ADARB2: variants seen among roughly 807,000 people sequenced by gnomAD.
The protein encoded by ADARB2 is adenosine deaminase RNA specific B2 (inactive).
Under a neutral mutation model 62.2 loss-of-function variants are expected in ADARB2, and 25 were observed. The ratio of observed to expected loss-of-function variants is 0.40; its 90% confidence interval spans 0.29 to 0.56. The LOEUF is 0.56. Ranked by LOEUF, ADARB2 falls within the 20% of genes least tolerant of loss-of-function variation. The pLI, the probability that ADARB2 is intolerant of heterozygous loss-of-function variation, is 0.43. For missense variants in ADARB2, 1,071 were observed against 1,077.4 expected (o/e 0.99, Z 0.08); for synonymous variants, 572 against 500.8 (o/e 1.14, Z -1.90).
At chr10:1,233,639 G>C (rs940361367) in intron 6 of ADARB2, 55 bp downstream of exon 6, 52 of 1,552,530 alleles carry the variant, frequency 3.3e-5, no homozygotes, top group Non-Finnish European at 4.2e-5. Context: ...CAGAGTCCCA[G>C]ATAGAGGGAG....
chr10:1,314,051 C>T (rs1831715540), intron 3 of ADARB2, among the ~76,000 whole-genome samples: 2 of 152,290 alleles, frequency 1.3e-5, no homozygotes, highest in Admixed American at 1.3e-4. Flanking sequence ...GCCCGTGCCA[C>T]AGCTCAGGAG....
chr10:1,547,942 A>C (rs1320363686), intron 1 of ADARB2, among the ~76,000 whole-genome samples: 2 of 152,102 alleles, frequency 1.3e-5, no homozygotes, highest in African/African-American at 4.8e-5. Context: ...TTGCCTGGTC[A>C]CAGTGTTTTG....
intron 1 of ADARB2, among the ~76,000 whole-genome samples, chr10:1,673,649 G>A (rs1228903255): frequency 6.6e-6 from 1 of 152,200 alleles, no homozygotes; most frequent in Non-Finnish European, 1.5e-5. Context: ...TGAGCACTAC[G>A]GGAACGTCGG....
chr10:1,240,601 A>T (rs1333485782), intron 5 of ADARB2: 1 of 152,342 alleles, frequency 6.6e-6, no homozygotes, highest in Non-Finnish European at 1.5e-5. Flanking sequence ...TGGCAAATGT[A>T]TCCCAAGCCT....
chr10:1,219,534 G>A (rs192276142), intron 6 of ADARB2, among the ~76,000 whole-genome samples: 10 of 152,306 alleles, frequency 6.6e-5, no homozygotes, highest in Admixed American at 3.9e-4. Flanking sequence ...AATTTGGACC[G>A]GTCTTTGAGT....
intron 1 of ADARB2, among the ~76,000 whole-genome samples, chr10:1,731,764 C>T (rs1007862176): frequency 5.9e-5 from 9 of 152,158 alleles, no homozygotes; most frequent in African/African-American, 2.2e-4. Context: ...GCCCCTGCTG[C>T]TTTTCTTGAG....
At chr10:1,638,987 G>C (rs138061324) in intron 1 of ADARB2, among the ~76,000 whole-genome samples, 1 of 152,226 alleles carries the variant, frequency 6.6e-6, no homozygotes, top group East Asian at 1.9e-4. Context: ...GGAAGAAGCC[G>C]TCTTGGCGAG....
chr10:1,681,855 G>A (rs914912353), intron 1 of ADARB2, among the ~76,000 whole-genome samples: 18 of 152,282 alleles, frequency 1.2e-4, no homozygotes, highest in Admixed American at 6.5e-5. Context: ...CCACAGAGTC[G>A]TAGGTGAAAG....
At chr10:1,552,677 A>G (rs1177923765) in intron 1 of ADARB2, among the ~76,000 whole-genome samples, 1 of 151,694 alleles carries the variant, frequency 6.6e-6, no homozygotes, top group East Asian at 1.9e-4. Context: ...TTCAGGGAAC[A>G]GTCAATCAAC....
chr10:1,496,584 C>T (rs1203742948), intron 1 of ADARB2, among the ~76,000 whole-genome samples: 1 of 152,088 alleles, frequency 6.6e-6, no homozygotes, highest in Non-Finnish European at 1.5e-5. Flanking sequence ...TTAGTGTCAA[C>T]ATTGATGATA....
At chr10:1,476,346 C>G (rs1231014538) in intron 1 of ADARB2, among the ~76,000 whole-genome samples, 1 of 152,144 alleles carries the variant, frequency 6.6e-6, no homozygotes, top group South Asian at 2.1e-4. Context: ...CAGGGAGAAG[C>G]CCCAGGCCCT....
Position 1,191,166 on chromosome 10 carries a change from C to T in ADARB2, c.1865-6127G>A, listed in dbSNP as rs533327771. Among the ~76,000 whole-genome samples the T allele has an allele frequency of 3.3e-5, 5 of 152,352 alleles. No individual in the cohort carries two copies. In the South Asian group the frequency reaches 1.0e-3, roughly 32 times the overall value. On this transcript the variant is annotated intron_variant, in intron 8 of 9. Coordinates refer to ENST00000381312, the MANE Select transcript of ADARB2 (RefSeq NM_018702.4). ...GCGTAGAACAGGGGTTTGCAGGTGG[C>T]AGCTCATGGGCTACTTCTCCCCGCA...
At chr10:1,417,526 G>A (rs990817422) in intron 1 of ADARB2, among the ~76,000 whole-genome samples, 6 of 152,210 alleles carry the variant, frequency 3.9e-5, no homozygotes, top group South Asian at 2.1e-4. Context: ...TATTTTACAC[G>A]TGAACGAACA....
At chr10:1,258,104 T>C (rs958267852) in intron 4 of ADARB2, among the ~76,000 whole-genome samples, 2 of 152,166 alleles carry the variant, frequency 1.3e-5, no homozygotes, top group Admixed American at 1.3e-4. Context: ...TCTCCTTCCC[T>C]TTCCTAGCTC....
rs1383881764 is a variant in ADARB2 at position 1,270,961 on chromosome 10, T to C, written c.1186A>G (p.Thr396Ala). ...RHKALAGIVM[T>A]KGLDARQAQV... ...GAAAAGAGGAGGTGGCTACCTTTGG[T>C]CATGACGATTCCTGCCAGCGCTTTA... Residue 396 changes from threonine (T) to alanine (A), a missense_variant, in exon 4 of 10, where the codon ACC becomes GCC. By Grantham distance (58) the Thr-to-Ala change is moderately conservative. Transcript: ENST00000381312. The C allele has an allele frequency of 6.2e-7, 1 of 1,613,906 alleles. No individual in the cohort carries two copies. The highest frequency in any genetic ancestry group is 8.5e-7 in the Non-Finnish European group (1 of 1,179,960).
intron 1 of ADARB2, among the ~76,000 whole-genome samples, chr10:1,385,881 G>A (rs556214134): frequency 2.0e-5 from 3 of 152,214 alleles, no homozygotes; most frequent in Non-Finnish European, 4.4e-5. Context: ...TATTTTCAAA[G>A]TAGCCAGAGA....
At chr10:1,242,875 T>C (rs1830941118) in intron 4 of ADARB2, among the ~76,000 whole-genome samples, 1 of 152,198 alleles carries the variant, frequency 6.6e-6, no homozygotes, top group South Asian at 2.1e-4. Context: ...AATGATACTC[T>C]CTTCAGGGAC....
At chr10:1,681,629 G>A (rs1834537555) in intron 1 of ADARB2, among the ~76,000 whole-genome samples, 1 of 152,172 alleles carries the variant, frequency 6.6e-6, no homozygotes, top group African/African-American at 2.4e-5. Context: ...CGCAGGGCAT[G>A]GTCCTGTGGT....
chr10:1,459,439 C>G (rs1331510220), intron 1 of ADARB2, among the ~76,000 whole-genome samples: 3 of 152,206 alleles, frequency 2.0e-5, no homozygotes, highest in Non-Finnish European at 4.4e-5. Flanking sequence ...AACCAAACAC[C>G]TCATGTTCTC....
Sources: gnomAD v4.1 joint callset for allele counts (sites outside exome capture counted in the v4.1 genomes callset) on GRCh38, gnomAD v4.1.1 for gene constraint, MANE v1.5 for transcripts, NCBI Gene and HGNC (gene_info 2026-07-23, HGNC 2026-07-21) for gene names.